Variants in ERBB4 observed in about 807,000 individuals in gnomAD.
The protein encoded by ERBB4 is erb-b2 receptor tyrosine kinase 4.
Under a neutral mutation model 158.0 loss-of-function variants are expected in ERBB4, and 42 were observed. The observed-to-expected ratio is 0.27, with a 90% confidence interval of 0.21 to 0.34. The LOEUF (loss-of-function observed/expected upper bound fraction) is 0.34. ERBB4 is among the 10% of genes least tolerant of loss of function. The pLI, the probability that ERBB4 is intolerant of heterozygous loss-of-function variation, is 1.00. For synonymous variants in ERBB4, 583 were observed against 558.7 expected, an observed-to-expected ratio of 1.04 and a Z score of -0.61; for missense variants, 1,333 against 1,624.1, an observed-to-expected ratio of 0.82 and a Z score of 3.08.
intron 13 of ERBB4, among the ~76,000 whole-genome samples, chr2:211,674,822 G>A (rs1326606369): frequency 6.6e-6 from 1 of 152,078 alleles, no homozygotes; most frequent in Non-Finnish European, 1.5e-5. Context: ...AGTTTCTTGG[G>A]TGATTAAAAG....
chr2:212,507,688 A>T (rs528907164), intron 1 of ERBB4, among the ~76,000 whole-genome samples: 1 of 152,344 alleles, frequency 6.6e-6, no homozygotes, highest in African/African-American at 2.4e-5. Context: ...AATTGCTGCA[A>T]TCTCATGATC....
intron 1 of ERBB4, among the ~76,000 whole-genome samples, chr2:212,485,603 A>C (rs1689929851): frequency 6.6e-6 from 1 of 152,206 alleles, no homozygotes; most frequent in Admixed American, 6.5e-5. Flanking sequence ...TGCTGTTAAA[A>C]AATTTATTAT....
intron 4 of ERBB4, among the ~76,000 whole-genome samples, chr2:211,766,889 G>A (rs6435669): frequency 0.14 from 21,651 of 152,112 alleles, 1,745 homozygotes; most frequent in South Asian, 0.33. Flanking sequence ...TCCTGAAACC[G>A]GTCAGACTGG....
intron 1 of ERBB4, among the ~76,000 whole-genome samples, chr2:212,371,132 G>C (rs896298678): frequency 6.6e-6 from 1 of 152,090 alleles, no homozygotes; most frequent in Admixed American, 6.6e-5. Context: ...GCCCAATCAC[G>C]TTGGGCAAGG....
intron 3 of ERBB4, among the ~76,000 whole-genome samples, chr2:211,820,999 G>A (rs1358686102): frequency 6.6e-6 from 1 of 151,754 alleles, no homozygotes; most frequent in African/African-American, 2.4e-5. Context: ...AAACAAGGAT[G>A]CCCAATATCA....
intron 19 of ERBB4, among the ~76,000 whole-genome samples, chr2:211,588,182 T>G (rs542775028): frequency 4.6e-5 from 7 of 152,320 alleles, no homozygotes; most frequent in African/African-American, 1.7e-4. Context: ...TTCACATTTT[T>G]ATTTTTAAAA....
At chr2:211,899,993 C>T (rs950011829) in intron 3 of ERBB4, among the ~76,000 whole-genome samples, 6 of 152,088 alleles carry the variant, frequency 3.9e-5, no homozygotes, top group African/African-American at 1.4e-4. Context: ...GAGCACCCCT[C>T]CTGTTAAAAC....
chr2:212,329,681 G>A (rs6719811), intron 1 of ERBB4, among the ~76,000 whole-genome samples: 11,351 of 152,012 alleles, frequency 0.075, 586 homozygotes, highest in African/African-American at 0.15. Flanking sequence ...TGATAAAAGT[G>A]GGCAGCCAGG....
At chr2:211,977,045 A>T (rs2081628268) in intron 2 of ERBB4, among the ~76,000 whole-genome samples, 1 of 152,222 alleles carries the variant, frequency 6.6e-6, no homozygotes, top group East Asian at 1.9e-4. Flanking sequence ...AATACAATCA[A>T]GAAGAAAGGG....
At chr2:212,339,797 A>G (rs1362607537) in intron 1 of ERBB4, among the ~76,000 whole-genome samples, 3 of 152,134 alleles carry the variant, frequency 2.0e-5, no homozygotes, top group African/African-American at 7.2e-5. Context: ...ATGCTTTTTT[A>G]AAATTTTGAG....
At chr2:211,745,445 A>C (rs1177092384) in intron 5 of ERBB4, among the ~76,000 whole-genome samples, 1 of 152,178 alleles carries the variant, frequency 6.6e-6, no homozygotes, top group African/African-American at 2.4e-5. Context: ...TGTCAAGGAC[A>C]GGCAGCCTCC....
intron 13 of ERBB4, among the ~76,000 whole-genome samples, chr2:211,675,793 T>TATAC (rs2105947125): frequency 2.0e-5 from 1 of 50,016 alleles, no homozygotes; most frequent in Non-Finnish European, 3.3e-5. Context: ...AATATAATAT[T>TATAC]ATATATATAT....
intron 2 of ERBB4, among the ~76,000 whole-genome samples, chr2:211,991,392 G>A (rs1276305997): frequency 6.6e-6 from 1 of 151,946 alleles, no homozygotes; most frequent in Non-Finnish European, 1.5e-5. Flanking sequence ...AATATGATGA[G>A]GGACCTACAA....
rs117487917 is a variant in ERBB4 at position 212,115,744 on chromosome 2, A to G, written c.234+9008T>C. Reference sequence around the variant, plus strand: ...GGCTAGTCTCAAACTCCTGGGCTCAAGCAATCCTCCCACCTAGGCCTTCCA... The same window carrying G: ...GGCTAGTCTCAAACTCCTGGGCTCAGGCAATCCTCCCACCTAGGCCTTCCA... On this transcript the variant is annotated intron_variant, in intron 2 of 27. Coordinates refer to ENST00000342788, the MANE Select transcript of ERBB4 (RefSeq NM_005235.3). Among the ~76,000 whole-genome samples the G allele has an allele frequency of 1.1e-3, 175 of 152,258 alleles. 6 individuals are homozygous for G. In the East Asian group the frequency reaches 0.033, roughly 28 times the overall value.
At chr2:211,944,200 C>CA (rs1559155181) in intron 3 of ERBB4, among the ~76,000 whole-genome samples, 7 of 19,106 alleles carry the variant, frequency 3.7e-4, no homozygotes, top group African/African-American at 1.0e-3. Context: ...TATATATATA[C>CA]TATATATATA....
At chr2:212,036,870 G>A (rs985961525) in intron 2 of ERBB4, among the ~76,000 whole-genome samples, 4 of 152,064 alleles carry the variant, frequency 2.6e-5, no homozygotes, top group African/African-American at 9.7e-5. Flanking sequence ...CTAAAATCTG[G>A]GGACAAAGGA....
intron 9 of ERBB4, among the ~76,000 whole-genome samples, chr2:211,710,985 A>C (rs2073675681): frequency 6.6e-6 from 1 of 151,876 alleles, no homozygotes; most frequent in African/African-American, 2.4e-5. Context: ...ATGTAGGAAT[A>C]TGGGCCGACA....
chr2:211,517,385 A>T (rs141689914), intron 20 of ERBB4, among the ~76,000 whole-genome samples: 1 of 152,224 alleles, frequency 6.6e-6, no homozygotes, highest in East Asian at 1.9e-4. Flanking sequence ...ACTTCTATGA[A>T]TCAATTATGT....
intron 1 of ERBB4, among the ~76,000 whole-genome samples, chr2:212,250,232 A>G (rs1486785610): frequency 6.6e-6 from 1 of 151,650 alleles, no homozygotes; most frequent in Non-Finnish European, 1.5e-5. Context: ...ATGGGTTTCT[A>G]TTTCATTCAT....
Sources: allele counts gnomAD v4.1 joint callset (sites outside exome capture counted in the v4.1 genomes callset), GRCh38; gene constraint gnomAD v4.1.1; transcripts MANE v1.5; gene names NCBI Gene and HGNC (gene_info 2026-07-23, HGNC 2026-07-21).